KLF12: variants seen among roughly 807,000 people sequenced by gnomAD.
KLF12 encodes Krueppel-like factor 12.
In KLF12, 9 loss-of-function variants were observed where a neutral mutation model predicts 37.8. The ratio of observed to expected loss-of-function variants is 0.24; its 90% CI spans 0.14 to 0.42. The LOEUF is 0.42. KLF12 is among the 10% of genes least tolerant of loss of function. The pLI, the probability that KLF12 is intolerant of heterozygous loss-of-function variation, is 1.00. For missense variants in KLF12, 411 were observed against 516.0 expected, an observed-to-expected ratio of 0.80 and a Z score of 1.97; for synonymous variants, 208 against 202.1, an observed-to-expected ratio of 1.03 and a Z score of -0.25.
chr13:73,916,151 A>G (rs1342979749), intron 3 of KLF12, among the ~76,000 whole-genome samples: 2 of 151,806 alleles, frequency 1.3e-5, no homozygotes, highest in African/African-American at 4.8e-5. Context: ...AAAAAGCATA[A>G]ATCCTGTATG....
the KLF12 span, among the ~76,000 whole-genome samples, chr13:74,287,959 A>C: frequency 3.4e-5 from 5 of 149,188 alleles, no homozygotes; most frequent in Admixed American, 6.7e-5. Context: ...TTAGAGCTCC[A>C]CCCCCCTCCC....
chr13:74,228,080 G>A, the KLF12 span, among the ~76,000 whole-genome samples: 2 of 152,018 alleles, frequency 1.3e-5, no homozygotes, highest in African/African-American at 4.8e-5. Flanking sequence ...TTATTTCTGC[G>A]AAAATACTTG....
In KLF12 at chr13:74,114,980, T is replaced by G. The variant is rs556904621; in HGVS notation, c.-32+18759A>C. Reference sequence around the variant, plus strand: ...AAGGATCTAGGTTGCATGTTCCTTATGAGAATCTAATGCCTGACGATCTAA... The same window carrying G: ...AAGGATCTAGGTTGCATGTTCCTTAGGAGAATCTAATGCCTGACGATCTAA... On this transcript the variant is annotated intron_variant, in intron 1 of 7. Coordinates refer to ENST00000377669, the MANE Select transcript of KLF12 (RefSeq NM_007249.5). Among the ~76,000 whole-genome samples the G allele has an allele frequency of 5.9e-4, 90 of 152,280 alleles. 1 individual carries two copies. The highest frequency in any genetic ancestry group is 9.4e-4 in the Non-Finnish European group (64 of 68,014).
the KLF12 span, among the ~76,000 whole-genome samples, chr13:74,203,730 C>T: frequency 6.6e-6 from 1 of 152,008 alleles, no homozygotes; most frequent in Admixed American, 6.6e-5. Flanking sequence ...TTAATTATGT[C>T]AGGGAAACAC....
chr13:73,802,986 T>C (rs1483373014), intron 5 of KLF12, among the ~76,000 whole-genome samples: 1 of 152,202 alleles, frequency 6.6e-6, no homozygotes, highest in Non-Finnish European at 1.5e-5. Flanking sequence ...CCTATATATG[T>C]ATATAACTAG....
At chr13:73,887,022 G>T (rs1887260624) in intron 3 of KLF12, among the ~76,000 whole-genome samples, 1 of 149,848 alleles carries the variant, frequency 6.7e-6, no homozygotes, top group Non-Finnish European at 1.5e-5. Flanking sequence ...GAAAAGAAAA[G>T]TATAACTTTT....
intron 5 of KLF12, among the ~76,000 whole-genome samples, chr13:73,771,088 G>C (rs9543455): frequency 0.97 from 147,460 of 152,218 alleles, 71,615 homozygotes; most frequent in East Asian, 1. Context: ...CCCTGCTAAG[G>C]TGATTAGCTG....
the KLF12 span, among the ~76,000 whole-genome samples, chr13:74,227,129 G>A: frequency 6.6e-6 from 1 of 152,122 alleles, no homozygotes; most frequent in African/African-American, 2.4e-5. Flanking sequence ...TACATGGGTA[G>A]CATCACTTGC....
At chr13:73,901,527 A>G (rs998508543) in intron 3 of KLF12, among the ~76,000 whole-genome samples, 4 of 152,118 alleles carry the variant, frequency 2.6e-5, no homozygotes, top group Admixed American at 6.5e-5. Flanking sequence ...CCCAAATTAT[A>G]GGATTGCTCA....
intron 7 of KLF12, among the ~76,000 whole-genome samples, chr13:73,709,921 G>C (rs1875237589): frequency 6.6e-6 from 1 of 152,134 alleles, no homozygotes; most frequent in South Asian, 2.1e-4. Flanking sequence ...ACCTGGCACA[G>C]ATGAAGAAGC....
the KLF12 span, among the ~76,000 whole-genome samples, chr13:74,207,101 A>C: frequency 1.3e-5 from 2 of 152,152 alleles, no homozygotes; most frequent in Admixed American, 1.3e-4. Context: ...AGGCAAAGAG[A>C]GGTTGAGAGA....
intron 1 of KLF12, among the ~76,000 whole-genome samples, chr13:74,101,349 CT>C (rs1428259831): frequency 5.9e-5 from 9 of 152,088 alleles, no homozygotes; most frequent in African/African-American, 1.9e-4. Context: ...ACTTGTATGC[CT>C]TTTCTCCTGT....
the KLF12 span, among the ~76,000 whole-genome samples, chr13:74,152,478 G>T: frequency 6.6e-6 from 1 of 152,056 alleles, no homozygotes. Flanking sequence ...TGTTGTTGTT[G>T]TTTGCTAGTA....
chr13:74,214,974 A>G, the KLF12 span, among the ~76,000 whole-genome samples: 3 of 151,938 alleles, frequency 2.0e-5, no homozygotes, highest in South Asian at 2.1e-4. Flanking sequence ...TTGTATTTTT[A>G]GTAGAGACGG....
Position 73,743,932 on chromosome 13 carries a change from C to T in KLF12, c.869+21006G>A, listed in dbSNP as rs1311989783. Among the ~76,000 whole-genome samples, 5 of 152,168 alleles carry T rather than the reference C, an allele frequency of 3.3e-5. 1 individual carries two copies. The highest frequency in any genetic ancestry group is 2.1e-4 in the South Asian group (1 of 4,832). On this transcript the variant is annotated intron_variant, in intron 6 of 7. Transcript: ENST00000377669. The stretch of plus-strand genomic sequence containing the variant: ...CCTTGAGGCAGGATTCTATTTCAAG[C>T]AGTCCAGGTAGAAGAAACTAATGTA...
intron 1 of KLF12, among the ~76,000 whole-genome samples, chr13:74,091,019 T>G (rs1480642800): frequency 6.6e-6 from 1 of 151,934 alleles, no homozygotes; most frequent in Non-Finnish European, 1.5e-5. Flanking sequence ...AGTGTGGTTT[T>G]AGCATAAGGA....
chr13:73,993,233 A>G (rs1327010404), intron 2 of KLF12, among the ~76,000 whole-genome samples: 2 of 152,230 alleles, frequency 1.3e-5, no homozygotes, highest in Non-Finnish European at 2.9e-5. Flanking sequence ...CTCCATCTCA[A>G]TGGGACAAAC....
chr13:73,916,257 A>G (rs1203366053), intron 3 of KLF12, among the ~76,000 whole-genome samples: 11 of 151,922 alleles, frequency 7.2e-5, no homozygotes, highest in African/African-American at 2.7e-4. Context: ...GCACACACAC[A>G]CACACACACA....
intron 6 of KLF12, among the ~76,000 whole-genome samples, chr13:73,754,000 G>A (rs943777744): frequency 6.6e-6 from 1 of 152,160 alleles, no homozygotes; most frequent in Non-Finnish European, 1.5e-5. Flanking sequence ...CTCCCACTCA[G>A]GAGAGGAGAG....
Sources: gnomAD v4.1 joint callset for allele counts (sites outside exome capture counted in the v4.1 genomes callset) on GRCh38, gnomAD v4.1.1 for gene constraint, MANE v1.5 for transcripts, NCBI Gene and HGNC (gene_info 2026-07-23, HGNC 2026-07-21) for gene names.